Variants in UTP20 observed in about 807,000 individuals in gnomAD.
UTP20 encodes the protein UTP20 small subunit processome component, also known as small subunit processome component 20 homolog.
In UTP20, 164 loss-of-function variants were observed where a neutral mutation model predicts 329.5. That is an observed-to-expected ratio of 0.50 (90% CI 0.44 to 0.57). UTP20 has a LOEUF of 0.57. Ranked by LOEUF, UTP20 falls within the 20% of genes least tolerant of loss-of-function variation. UTP20 has a pLI of 0.00. For missense variants in UTP20, 3,055 were observed against 3,284.2 expected, an observed-to-expected ratio of 0.93 and a Z score of 1.71; for synonymous variants, 1,151 against 1,159.3, an observed-to-expected ratio of 0.99 and a Z score of 0.14.
At chr12:101,344,485 A>G (rs1869253104) in intron 35 of UTP20, 110 bp from the exon 36 acceptor site, 3 of 680,228 alleles carry the variant, frequency 4.4e-6, no homozygotes, top group Middle Eastern at 4.1e-4. Flanking sequence ...TTTAGTAGGC[A>G]TTTTTACAAG....
intron 25 of UTP20, among the ~76,000 whole-genome samples, chr12:101,325,430 T>G (rs933788252): frequency 1.3e-5 from 2 of 152,220 alleles, no homozygotes; most frequent in Non-Finnish European, 2.9e-5. Context: ...GTGTTGACAT[T>G]TGTACTGACA....
At position 101,342,454 on chromosome 12, in the gene UTP20, G is replaced by T. The variant is rs759970064; in HGVS notation, c.4110G>T (p.Glu1370Asp). 1.6e-5 allele frequency: 25 copies of T among 1,606,830 alleles called. No individual in the cohort carries two copies. Among genetic ancestry groups the T allele is most frequent in the Non-Finnish European group, 2.0e-5 (24 of 1,178,152 alleles). Residue 1370 changes from glutamate (E) to aspartate (D), a missense_variant, in exon 33 of 62, where the codon GAG becomes GAT. Physicochemically the swap from Glu to Asp is conservative, Grantham distance 45. This residue lies in a region of UTP20 where 2,445 missense variants were observed against 2,575.5 expected (regional missense o/e 0.95). Coordinates refer to ENST00000261637, the MANE Select transcript of UTP20 (RefSeq NM_014503.3). ...LHRGNIAEDT[E>D]VDILVTVQNL... ...GATTATTTCTTCTCAAGGATACAGA[G>T]GTTGATATTCTGGTGACAGTACAAA...
intron 12 of UTP20, among the ~76,000 whole-genome samples, chr12:101,297,987 G>A (rs770571106): frequency 5.3e-5 from 8 of 152,186 alleles, no homozygotes; most frequent in Non-Finnish European, 1.0e-4. Context: ...TGGTATGTGT[G>A]AATGGTCACC....
At chr12:101,286,221 TTTAA>T (rs1270338935) in intron 4 of UTP20, 96 bp from the exon 5 acceptor site, 17 of 1,086,384 alleles carry the variant, frequency 1.6e-5, no homozygotes, top group Non-Finnish European at 2.1e-5. Flanking sequence ...AGTATTTTTA[TTTAA>T]TTAATCCTAT....
chr12:101,340,937 C>T (rs1869104435), intron 32 of UTP20, among the ~76,000 whole-genome samples: 8 of 82,968 alleles, frequency 9.6e-5, no homozygotes, highest in African/African-American at 1.8e-4. Context: ...ATTGTGTAAT[C>T]TTTTTTTTTT....
At position 101,317,511 on chromosome 12, in the gene UTP20, TC is replaced by T. The variant is rs1269253968; in HGVS notation, c.2588del (p.Pro863GlnfsTer53). 1.2e-6 allele frequency: 2 copies of T among 1,614,052 alleles called. No individual in the cohort carries two copies. The highest frequency in any genetic ancestry group is 1.7e-6 in the Non-Finnish European group (2 of 1,180,002). On this transcript the variant is annotated frameshift_variant, in exon 22 of 62. Transcript: ENST00000261637. LOFTEE classifies it high-confidence loss of function. ...ATTACCCAGCAGATCTGCAAGTTGC[TC>T]CAACCCAGGATCTACGGAGAAAAGG... ...EYYPADLQVAPTQDLRRKGKG... is the reference protein window; with the variant it reads ...EYYPADLQVAXTQDLRRKGKG...
At chr12:101,325,562 A>G (rs566917257) in intron 25 of UTP20, among the ~76,000 whole-genome samples, 38 of 152,350 alleles carry the variant, frequency 2.5e-4, no homozygotes, top group Non-Finnish European at 4.3e-4. Context: ...AAACAAACAC[A>G]CTTGATGAGT....
chr12:101,303,979 C>G (rs758762225), intron 15 of UTP20, among the ~76,000 whole-genome samples: 5 of 152,208 alleles, frequency 3.3e-5, no homozygotes, highest in Non-Finnish European at 7.3e-5. Context: ...CTCATACTTT[C>G]ACCCTTGGTA....
At chr12:101,349,757 A>G (rs1024960174) in intron 38 of UTP20, among the ~76,000 whole-genome samples, 1 of 152,138 alleles carries the variant, frequency 6.6e-6, no homozygotes, top group Non-Finnish European at 1.5e-5. Flanking sequence ...GGAAATTTTC[A>G]AATATTATTT....
intron 36 of UTP20, among the ~76,000 whole-genome samples, chr12:101,345,095 GC>G (rs1869279248): frequency 6.6e-6 from 1 of 151,764 alleles, no homozygotes; most frequent in African/African-American, 2.4e-5. Flanking sequence ...ACAGGCACAT[GC>G]CACCACGCCC....
intron 38 of UTP20, among the ~76,000 whole-genome samples, chr12:101,350,292 A>T (rs1357780720): frequency 6.6e-6 from 1 of 152,024 alleles, no homozygotes; most frequent in Non-Finnish European, 1.5e-5. Flanking sequence ...TCTGCCTCCC[A>T]AGTACCTGGG....
chr12:101,345,613 A>G lies in UTP20; in HGVS notation c.4665A>G (p.Gln1555=). ...LSCLIQTFPN[Q]LEFKDLVQLT... ...GTTTAATTCAAACCTTTCCAAACCAACTGGAATTCAAAGACTTGGTACAAC... is the reference window on the plus strand; with the variant it reads ...GTTTAATTCAAACCTTTCCAAACCAGCTGGAATTCAAAGACTTGGTACAAC... Residue 1555 remains glutamine, a synonymous_variant, in exon 37 of 62, where the codon CAA becomes CAG. Transcript: ENST00000261637. The G allele has an allele frequency of 6.2e-7, 1 of 1,612,070 alleles. No individual in the cohort carries two copies. The highest frequency in any genetic ancestry group is 8.5e-7 in the Non-Finnish European group (1 of 1,178,278).
At chr12:101,383,719 A>G in intron 60 of UTP20, 50 bp downstream of exon 60, 1 of 1,412,290 alleles carries the variant, frequency 7.1e-7, no homozygotes, top group South Asian at 1.9e-5. Context: ...AGGATTTCTA[A>G]CTTCTCTCCT....
At chr12:101,306,286 A>C (rs908583772) in intron 16 of UTP20, among the ~76,000 whole-genome samples, 1 of 152,150 alleles carries the variant, frequency 6.6e-6, no homozygotes, top group Non-Finnish European at 1.5e-5. Context: ...AAAGATTCCA[A>C]TTCAGTAGGG....
At chr12:101,320,337 C>A (rs996082595) in intron 23 of UTP20, among the ~76,000 whole-genome samples, 1 of 152,074 alleles carries the variant, frequency 6.6e-6, no homozygotes, top group South Asian at 2.1e-4. Flanking sequence ...GGACAGATCA[C>A]CTGAGCTCAG....
At chr12:101,337,212 C>T (rs1806454959) in intron 29 of UTP20, among the ~76,000 whole-genome samples, 1 of 152,004 alleles carries the variant, frequency 6.6e-6, no homozygotes, top group Non-Finnish European at 1.5e-5. Context: ...CCGTACCATG[C>T]ACAGTATTTG....
chr12:101,304,164 T>G (rs924127004), intron 15 of UTP20, among the ~76,000 whole-genome samples: 18 of 152,162 alleles, frequency 1.2e-4, no homozygotes, highest in African/African-American at 4.3e-4. Flanking sequence ...GGGCATAAAC[T>G]TGCAGAGTAG....
Position 101,329,411 on chromosome 12 carries a change from A to G in UTP20, c.3379A>G (p.Thr1127Ala), listed in dbSNP as rs1370266296. 1 of 1,613,826 alleles carries G rather than the reference A, an allele frequency of 6.2e-7. No homozygotes were observed. Among genetic ancestry groups the G allele is most frequent in the African/African-American group, 1.3e-5 (1 of 74,922 alleles). The part of the protein sequence containing the change: ...PKILQILLCM[T>A]ATVSHILDQR... ...GATTTTGCAGATACTGCTCTGTATGACAGCAACCGTATCACACATCCTTGA... is the reference window on the plus strand; with the variant it reads ...GATTTTGCAGATACTGCTCTGTATGGCAGCAACCGTATCACACATCCTTGA... The change falls in exon 27 of 62, where the codon ACA becomes GCA. Residue 1127 changes from threonine (T) to alanine (A), a missense_variant. By Grantham distance (58) the Thr-to-Ala change is moderately conservative (BLOSUM62 0). This residue lies in a region of UTP20 where 2,445 missense variants were observed against 2,575.5 expected (regional missense o/e 0.95). Coordinates refer to ENST00000261637, the MANE Select transcript of UTP20 (RefSeq NM_014503.3).
intron 31 of UTP20, among the ~76,000 whole-genome samples, 198 bp downstream of exon 31, chr12:101,339,155 A>G (rs542693875): frequency 6.6e-6 from 1 of 152,236 alleles, no homozygotes; most frequent in African/African-American, 2.4e-5. Flanking sequence ...TCTACTAAAA[A>G]TACAAAAGTT....
Sources: gnomAD v4.1 joint callset for allele counts (sites outside exome capture counted in the v4.1 genomes callset) on GRCh38, gnomAD v4.1.1 for gene constraint, gnomAD v4.1.1 regional missense constraint, MANE v1.5 for transcripts, NCBI Gene and HGNC (gene_info 2026-07-23, HGNC 2026-07-21) for gene names.